The following RDH12 variants were observed in gnomAD, a reference collection of about 807,000 sequenced individuals.
RDH12 encodes all-trans and 9-cis retinol dehydrogenase.
Under a neutral mutation model 34.0 loss-of-function variants are expected in RDH12, and 21 were observed. The ratio of observed to expected loss-of-function variants is 0.62; its 90% CI spans 0.44 to 0.89. The LOEUF (loss-of-function observed/expected upper bound fraction) is 0.89. Among genes scored for constraint, RDH12 ranks in the 40% least tolerant of loss-of-function variants. The probability of loss-of-function intolerance (pLI) is 0.00; values close to 1 mark genes in which losing one functional copy is unlikely to be tolerated. For missense variants in RDH12, 394 were observed against 398.6 expected (o/e 0.99, Z 0.10); for synonymous variants, 198 against 169.9 (o/e 1.17, Z -1.29).
intron 1 of RDH12, among the ~76,000 whole-genome samples, chr14:67,717,234 C>G (rs1022877282): frequency 1.3e-5 from 2 of 152,236 alleles, no homozygotes; most frequent in Middle Eastern, 3.4e-3. Flanking sequence ...TCATGTAACC[C>G]AAAGTCCTGT....
intron 8 of RDH12, chr14:67,729,685 G>A (rs1594867814): frequency 5.2e-6 from 3 of 571,596 alleles, no homozygotes; most frequent in South Asian, 4.8e-5. Flanking sequence ...GATCTGGATC[G>A]TTTTTCTCCT....
At position 67,729,291 on chromosome 14, in the gene RDH12, C is replaced by A; in HGVS notation, c.759C>A (p.Pro253=). The A allele has an allele frequency of 6.2e-7, 1 of 1,604,320 alleles. No individual in the cohort carries two copies. The highest frequency in any genetic ancestry group is 8.5e-7 in the Non-Finnish European group (1 of 1,179,956). ...LLCLLWRLFS[P]FVKTAREGAQ... ...GCCTGCTCTGGCGGCTCTTCTCCCCCTTTGTCAAGACGGCACGGGAGGGGG... is the reference window on the plus strand; with the variant it reads ...GCCTGCTCTGGCGGCTCTTCTCCCCATTTGTCAAGACGGCACGGGAGGGGG... Residue 253 remains proline, a synonymous_variant, in exon 8 of 9, where the codon CCC becomes CCA. Coordinates refer to ENST00000551171, the MANE Select transcript of RDH12 (RefSeq NM_152443.3).
At chr14:67,729,464 G>A in intron 8 of RDH12, 84 bp downstream of exon 8, 1 of 1,380,708 alleles carries the variant, frequency 7.2e-7, no homozygotes, top group South Asian at 1.2e-5. Flanking sequence ...CTGAGAAGCT[G>A]AGTTTGTGCC....
rs2038139088 is a variant in RDH12 at position 67,722,713 on chromosome 14, T to C, written c.68+3T>C. ...TATATGGTAGCTCCATCCATCAGGT[T>C]TGTCTTAATTCAGCAACTCAAACAA... On this transcript the variant is annotated splice_donor_region_variant and intron_variant, in intron 3 of 8. Transcript: ENST00000551171. The C allele has an allele frequency of 6.2e-7, 1 of 1,612,654 alleles. No individual in the cohort carries two copies. The highest frequency in any genetic ancestry group is 1.3e-5 in the African/African-American group (1 of 74,910).
At chr14:67,716,254 G>A (rs149927878) in intron 1 of RDH12, among the ~76,000 whole-genome samples, 170 of 151,554 alleles carry the variant, frequency 1.1e-3, no homozygotes, top group Non-Finnish European at 1.9e-3. Flanking sequence ...AAGTCAAACC[G>A]CTGTGACTGC....
intron 1 of RDH12, among the ~76,000 whole-genome samples, chr14:67,702,679 A>G (rs1594857228): frequency 6.6e-6 from 1 of 152,242 alleles, no homozygotes; most frequent in African/African-American, 2.4e-5. Flanking sequence ...CTTTGGGCTT[A>G]CTAATTTATG....
chr14:67,718,861 CTTTA>C (rs10531745), intron 1 of RDH12, among the ~76,000 whole-genome samples: 9,696 of 152,204 alleles, frequency 0.064, 977 homozygotes, highest in African/African-American at 0.21. Context: ...TGAGAAATAG[CTTTA>C]TTTGTGATAC....
chr14:67,723,327 G>A (rs2038146736), intron 3 of RDH12, among the ~76,000 whole-genome samples: 1 of 152,154 alleles, frequency 6.6e-6, no homozygotes. Context: ...TTGAACTCTT[G>A]GGCTCAAGCA....
intron 3 of RDH12, among the ~76,000 whole-genome samples, 198 bp downstream of exon 3, chr14:67,722,908 G>C (rs1234944365): frequency 2.0e-5 from 3 of 152,200 alleles, no homozygotes; most frequent in Non-Finnish European, 4.4e-5. Flanking sequence ...GCAGAGGTGG[G>C]GCTGAGTTCT....
At chr14:67,726,907 G>A in intron 6 of RDH12, 74 bp from the exon 7 acceptor site, 1 of 1,342,072 alleles carries the variant, frequency 7.5e-7, no homozygotes, top group Admixed American at 1.7e-5. Context: ...TAACACTGAA[G>A]TCCTCTTGGC....
intron 6 of RDH12, 84 bp downstream of exon 6, chr14:67,726,239 G>A (rs1266874590): frequency 1.2e-6 from 1 of 868,966 alleles, no homozygotes; most frequent in South Asian, 1.3e-5. Flanking sequence ...TGTGGAGAAT[G>A]TCCAGGGGCC....
chr14:67,702,269 T>C (rs1265164907), intron 1 of RDH12, among the ~76,000 whole-genome samples: 1 of 152,166 alleles, frequency 6.6e-6, no homozygotes, highest in Non-Finnish European at 1.5e-5. Context: ...ATGCCTGGCC[T>C]GTGCTCAGTT....
intron 1 of RDH12, among the ~76,000 whole-genome samples, chr14:67,711,741 C>A (rs1446195941): frequency 6.6e-6 from 1 of 152,074 alleles, no homozygotes; most frequent in Admixed American, 6.6e-5. Context: ...CTTAAATTTT[C>A]ATATTAAAGG....
At chr14:67,726,198 T>C in intron 6 of RDH12, 43 bp downstream of exon 6, 2 of 1,139,882 alleles carry the variant, frequency 1.8e-6, no homozygotes, top group East Asian at 2.3e-5. Flanking sequence ...ACACCCACTA[T>C]CTTTTCTTTA....
intron 1 of RDH12, among the ~76,000 whole-genome samples, chr14:67,715,926 T>A (rs1464346084): frequency 6.6e-6 from 1 of 152,176 alleles, no homozygotes; most frequent in African/African-American, 2.4e-5. Context: ...CCGGGGGCAG[T>A]GGCTTACGCC....
rs754556714 is a variant in RDH12 at position 67,722,667 on chromosome 14, ACCT to A, written c.29_31del (p.Ser10del). ...GATGCTGGTCACCTTGGGACTGCTC[ACCT>A]CCTTCTTCTCGTTCCTGTATATGGT... On this transcript the variant is annotated inframe_deletion, in exon 3 of 9. Coordinates refer to ENST00000551171, the MANE Select transcript of RDH12 (RefSeq NM_152443.3). The A allele has an allele frequency of 7.4e-5, 119 of 1,613,814 alleles. 3 individuals are homozygous for A. In the South Asian group the frequency reaches 1.3e-3, roughly 18 times the overall value.
Position 67,729,244 on chromosome 14 carries a change from G to C in RDH12, c.712G>C (p.Val238Leu), listed in dbSNP as rs1316624378. Reference sequence around the variant, plus strand: ...CCCAGGCGTCGTCCGCTCTGAGCTGGTCCGGCACTCCTCCCTGCTCTGCCT... The same window carrying C: ...CCCAGGCGTCGTCCGCTCTGAGCTGCTCCGGCACTCCTCCCTGCTCTGCCT... ...VHPGVVRSELVRHSSLLCLLW... is the reference protein window; with the variant it reads ...VHPGVVRSELLRHSSLLCLLW... Residue 238 changes from valine (V) to leucine (L), a missense_variant, in exon 8 of 9, where the codon GTC (valine) becomes CTC (leucine). Transcript: ENST00000551171. 6.2e-7 allele frequency: 1 copy of C among 1,610,330 alleles called. No individual in the cohort carries two copies.
chr14:67,716,606 G>A (rs1398915233), intron 1 of RDH12, among the ~76,000 whole-genome samples: 1 of 152,220 alleles, frequency 6.6e-6, no homozygotes, highest in Non-Finnish European at 1.5e-5. Context: ...TTTACAGGCT[G>A]AGTGTGGTGG....
chr14:67,713,660 A>G (rs2038036224), intron 1 of RDH12, among the ~76,000 whole-genome samples: 1 of 152,190 alleles, frequency 6.6e-6, no homozygotes, highest in South Asian at 2.1e-4. Context: ...GACAGGTCTC[A>G]GTTAATTTGT....
Sources: gnomAD v4.1 joint callset for allele counts (sites outside exome capture counted in the v4.1 genomes callset) on GRCh38, gnomAD v4.1.1 for gene constraint, MANE v1.5 for transcripts, NCBI Gene and HGNC (gene_info 2026-07-23, HGNC 2026-07-21) for gene names.